The following FAM114A1 variants were observed in gnomAD, a reference collection of about 807,000 sequenced individuals.
FAM114A1 encodes family with sequence similarity 114 member A1.
FAM114A1 carries 62 observed loss-of-function variants against 64.3 expected under a neutral mutation model. The ratio of observed to expected loss-of-function variants is 0.96; its 90% confidence interval spans 0.79 to 1.19. FAM114A1 has a LOEUF of 1.19. Ranked by LOEUF, FAM114A1 falls within the 50% of genes most tolerant of loss-of-function variation. The pLI, the probability that FAM114A1 is intolerant of heterozygous loss-of-function variation, is 0.00. For missense variants in FAM114A1, 645 were observed against 676.3 expected (o/e 0.95, Z 0.51); for synonymous variants, 254 against 251.1 (o/e 1.01, Z -0.11).
At chr4:38,919,401 C>G (rs1176905206) in intron 8 of FAM114A1, among the ~76,000 whole-genome samples, 1 of 152,134 alleles carries the variant, frequency 6.6e-6, no homozygotes, top group Non-Finnish European at 1.5e-5. Flanking sequence ...AGTTCAAGCT[C>G]CAGCCATACC....
intron 2 of FAM114A1, among the ~76,000 whole-genome samples, chr4:38,877,076 C>T (rs117258396): frequency 0.023 from 3,483 of 152,166 alleles, 138 homozygotes; most frequent in Admixed American, 0.088. Context: ...TCACAGGTTC[C>T]AGGAATTGGG....
chr4:38,873,920 G>A (rs1714352751), intron 2 of FAM114A1, among the ~76,000 whole-genome samples: 1 of 152,148 alleles, frequency 6.6e-6, no homozygotes, highest in Non-Finnish European at 1.5e-5. Flanking sequence ...GCCGTGAGGT[G>A]AAGGATGGGA....
intron 7 of FAM114A1, among the ~76,000 whole-genome samples, chr4:38,913,928 T>C (rs1053123316): frequency 6.6e-6 from 1 of 151,520 alleles, no homozygotes; most frequent in Non-Finnish European, 1.5e-5. Context: ...TGAAACCCCA[T>C]CTCTACTAAA....
chr4:38,938,319 C>T (rs1180009994), intron 13 of FAM114A1: 1 of 152,232 alleles, frequency 6.6e-6, no homozygotes, highest in Non-Finnish European at 1.5e-5. Flanking sequence ...CTGGCTGTCA[C>T]CCAAAAAGAC....
chr4:38,879,786 C>T (rs1165876609), intron 3 of FAM114A1, among the ~76,000 whole-genome samples: 1 of 152,104 alleles, frequency 6.6e-6, no homozygotes, highest in Admixed American at 6.6e-5. Flanking sequence ...TCCATAGATG[C>T]CCTAAATAAT....
At position 38,922,864 on chromosome 4, in the gene FAM114A1, T is replaced by C. The variant is rs147669813; in HGVS notation, c.1040T>C (p.Leu347Ser). 7.8e-5 allele frequency: 125 copies of C among 1,612,256 alleles called. 1 individual carries two copies. In the African/African-American group the frequency reaches 1.7e-3, roughly 21 times the overall value. The change falls in exon 9 of 15, where the codon TTA becomes TCA. Residue 347 changes from leucine (L) to serine (S), a missense_variant. Transcript: ENST00000358869. ...SIKDIFAAKE[L>S]ENEENQEEQG... ...AAAGACATCTTTGCAGCCAAAGAAT[T>C]AGAGAATGAAGAAAATCAAGAAGAA...
rs753216460 is a variant in FAM114A1, at chr4:38,891,927, G to T, written c.436+97G>T. ...TGTATACTAATAGAGTTTAACATTA[G>T]CCCGTGAGCAAACCATGTTTAGTGC... On this transcript the variant is annotated intron_variant, in intron 4 of 14. Coordinates refer to ENST00000358869, the MANE Select transcript of FAM114A1 (RefSeq NM_138389.4). 3.7e-5 allele frequency: 40 copies of T among 1,071,952 alleles called. No individual in the cohort carries two copies. The Middle Eastern group carries it at 1.1e-3, about 29-fold the overall frequency. 66.4% of individuals were successfully genotyped at this position (1,071,952 alleles called of 1,614,324 possible).
Position 38,929,272 on chromosome 4 carries a change from G to T in FAM114A1, c.1100G>T (p.Arg367Leu), listed in dbSNP as rs2306923. The change falls in exon 10 of 15, where the codon CGC becomes CTC. Residue 367 changes from arginine to leucine, a missense_variant. Coordinates refer to ENST00000358869, the MANE Select transcript of FAM114A1 (RefSeq NM_138389.4). ...GAAGAAAAGGGAGAAGAATTTGCTC[G>T]CATGCTTACAGAGCTTCTCTTTGAA... Reference protein sequence around the residue: ...GLEEKGEEFARMLTELLFELH... With the variant: ...GLEEKGEEFALMLTELLFELH... 1.9e-6 allele frequency: 3 copies of T among 1,613,716 alleles called. No individual in the cohort carries two copies. Among genetic ancestry groups the T allele is most frequent in the East Asian group, 2.2e-5 (1 of 44,886 alleles).
rs559056572 is a variant in FAM114A1 at position 38,910,188 on chromosome 4, G to A, written c.792+1462G>A. Among the ~76,000 whole-genome samples the A allele has an allele frequency of 7.9e-5, 12 of 151,932 alleles. No individual in the cohort carries two copies. In the South Asian group the frequency reaches 1.5e-3, roughly 18 times the overall value. On this transcript the variant is annotated intron_variant, in intron 7 of 14. Transcript: ENST00000358869. ...AGGGAGGTGGTGATTACAGTGAGCC[G>A]AGATTGTGCCACTGCACTCTAGCCT...
At chr4:38,941,150 T>C in intron 14 of FAM114A1, 129 bp downstream of exon 14, 1 of 773,338 alleles carries the variant, frequency 1.3e-6, no homozygotes, top group Non-Finnish European at 2.1e-6. Flanking sequence ...CAGGTCTTTT[T>C]TGAGTAAATT....
chr4:38,915,272 C>T (rs1208531738), intron 8 of FAM114A1, among the ~76,000 whole-genome samples, 199 bp downstream of exon 8: 1 of 152,098 alleles, frequency 6.6e-6, no homozygotes, highest in Non-Finnish European at 1.5e-5. Flanking sequence ...GCTATTACCC[C>T]ACCCCAGCTC....
chr4:38,941,322 A>G lies in FAM114A1; in HGVS notation c.1590+301A>G, dbSNP rs192237878. Among the ~76,000 whole-genome samples, 10 of 152,348 alleles carry G rather than the reference A, an allele frequency of 6.6e-5. No individual in the cohort carries two copies. In the East Asian group the frequency reaches 1.9e-3, roughly 29 times the overall value. ...TGCCAAATTTGACACTAGATTTAACACTATGATTATTGGCTGCAATGAGGG... is the reference window on the plus strand; with the variant it reads ...TGCCAAATTTGACACTAGATTTAACGCTATGATTATTGGCTGCAATGAGGG... On this transcript the variant is annotated intron_variant, in intron 14 of 14. Coordinates refer to ENST00000358869, the MANE Select transcript of FAM114A1 (RefSeq NM_138389.4).
chr4:38,882,318 CAAAA>C (rs56370212), intron 3 of FAM114A1, among the ~76,000 whole-genome samples: 2 of 48,802 alleles, frequency 4.1e-5, no homozygotes, highest in African/African-American at 1.8e-4. Flanking sequence ...GACTCCGTCT[CAAAA>C]AAAAAAAAAA....
intron 4 of FAM114A1, among the ~76,000 whole-genome samples, chr4:38,904,555 T>C (rs1269324406): frequency 6.6e-6 from 1 of 152,150 alleles, no homozygotes; most frequent in Non-Finnish European, 1.5e-5. Context: ...GCTGTTAAGG[T>C]TGATTTATAT....
chr4:38,926,822 G>C (rs537515873), intron 9 of FAM114A1, among the ~76,000 whole-genome samples: 1 of 152,136 alleles, frequency 6.6e-6, no homozygotes, highest in Non-Finnish European at 1.5e-5. Flanking sequence ...CTCTCCCTTT[G>C]TGTGATTAAT....
intron 7 of FAM114A1, 103 bp downstream of exon 7, chr4:38,908,829 A>G: frequency 5.2e-6 from 6 of 1,164,888 alleles, no homozygotes; most frequent in Non-Finnish European, 7.0e-6. Flanking sequence ...GATTCAAATC[A>G]AATGACACCA....
intron 2 of FAM114A1, among the ~76,000 whole-genome samples, chr4:38,869,571 GC>G (rs1713813563): frequency 6.6e-6 from 1 of 152,148 alleles, no homozygotes; most frequent in African/African-American, 2.4e-5. Context: ...GTCCAAAAAT[GC>G]CTGGCAGCCT....
intron 2 of FAM114A1, among the ~76,000 whole-genome samples, chr4:38,877,189 AG>A (rs1714727987): frequency 1.3e-5 from 2 of 152,318 alleles, no homozygotes; most frequent in South Asian, 4.1e-4. Context: ...ATCAGCAGAA[AG>A]GGGTGCGGGG....
intron 2 of FAM114A1, among the ~76,000 whole-genome samples, chr4:38,869,699 C>T (rs574388344): frequency 1.3e-5 from 2 of 151,800 alleles, no homozygotes; most frequent in African/African-American, 4.8e-5. Context: ...CCTGGTCCTT[C>T]GCTGACTGGC....
Sources: allele counts gnomAD v4.1 joint callset (sites outside exome capture counted in the v4.1 genomes callset), GRCh38; gene constraint gnomAD v4.1.1; transcripts MANE v1.5; gene names NCBI Gene and HGNC (gene_info 2026-07-23, HGNC 2026-07-21).